Variants in ULK4 observed in about 807,000 individuals in gnomAD.
ULK4 encodes the protein inactive serine/threonine-protein kinase ULK4.
ULK4 carries 133 observed loss-of-function variants against 160.6 expected under a neutral mutation model. The ratio of observed to expected loss-of-function variants is 0.83; its 90% CI spans 0.72 to 0.96. ULK4 has a LOEUF of 0.96. ULK4 is among the 40% of genes least tolerant of loss of function. The probability of loss-of-function intolerance (pLI) is 0.00; values close to 1 mark genes in which losing one functional copy is unlikely to be tolerated. For missense variants in ULK4, 1,580 were observed against 1,499.5 expected (o/e 1.05, Z -0.89); for synonymous variants, 534 against 539.8 (o/e 0.99, Z 0.15).
At position 41,636,320 on chromosome 3, in the gene ULK4, A is replaced by G. The variant is rs116997605; in HGVS notation, c.3072-20603T>C. Among the ~76,000 whole-genome samples the G allele has an allele frequency of 3.7e-3, 560 of 152,246 alleles. 4 individuals carry two copies. The East Asian group carries it at 0.041, about 11-fold the overall frequency. On this transcript the variant is annotated intron_variant, in intron 30 of 36. Transcript: ENST00000301831. ...GAGGCCGAGGTGGGTGGATTACTTG[A>G]GTCCAAGAGTTCAAGACCAGCCTGG... is the stretch of plus-strand genomic sequence containing the variant.
intron 35 of ULK4, among the ~76,000 whole-genome samples, chr3:41,350,501 C>T (rs528479064): frequency 1.3e-5 from 2 of 152,106 alleles, no homozygotes; most frequent in African/African-American, 2.4e-5. Flanking sequence ...TACAATTTGA[C>T]GGCTTGCCTA....
chr3:41,485,033 T>C (rs1473468472), intron 32 of ULK4, among the ~76,000 whole-genome samples: 1 of 152,116 alleles, frequency 6.6e-6, no homozygotes, highest in Non-Finnish European at 1.5e-5. Flanking sequence ...TAACAGCAAA[T>C]ACCCACATGG....
At chr3:41,458,594 AG>A (rs1324488942) in intron 33 of ULK4, among the ~76,000 whole-genome samples, 1 of 152,098 alleles carries the variant, frequency 6.6e-6, no homozygotes, top group Non-Finnish European at 1.5e-5. Flanking sequence ...ACAGCTTCTT[AG>A]TATTAAAAAA....
chr3:41,611,781 CT>C (rs1358557437), intron 31 of ULK4, among the ~76,000 whole-genome samples: 1 of 152,100 alleles, frequency 6.6e-6, no homozygotes, highest in Non-Finnish European at 1.5e-5. Context: ...AGGATACTGT[CT>C]GATTTTAAAG....
intron 35 of ULK4, among the ~76,000 whole-genome samples, chr3:41,390,074 T>G (rs913859210): frequency 1.3e-4 from 20 of 152,204 alleles, no homozygotes; most frequent in Admixed American, 1.3e-3. Flanking sequence ...TATTCAGAGA[T>G]TCAACTTCTT....
intron 32 of ULK4, among the ~76,000 whole-genome samples, chr3:41,540,665 G>C (rs1423694591): frequency 6.6e-6 from 1 of 152,216 alleles, no homozygotes; most frequent in Non-Finnish European, 1.5e-5. Context: ...CAGTGTAAAA[G>C]TGTTCCTATT....
At chr3:41,661,502 T>C (rs1235474320) in intron 30 of ULK4, among the ~76,000 whole-genome samples, 2 of 126,470 alleles carry the variant, frequency 1.6e-5, no homozygotes, top group African/African-American at 5.6e-5. Flanking sequence ...GACAGATAGA[T>C]AGATAGATGA....
intron 35 of ULK4, among the ~76,000 whole-genome samples, chr3:41,339,776 A>G (rs1426860324): frequency 2.0e-5 from 3 of 152,232 alleles, no homozygotes; most frequent in African/African-American, 4.8e-5. Context: ...CCCTTTCTAA[A>G]GACAGCAGCT....
chr3:41,310,992 CAAA>C (rs1188818662), intron 35 of ULK4, among the ~76,000 whole-genome samples: 1 of 139,904 alleles, frequency 7.1e-6, no homozygotes, highest in African/African-American at 2.7e-5. Context: ...GACCTCGTCT[CAAA>C]AAAAAATAAT....
rs80296490 is a variant in ULK4, at chr3:41,815,727, A to C, written c.1848+3696T>G. 5.5e-3 allele frequency among the ~76,000 whole-genome samples: 831 copies of C among 152,286 alleles called. 7 individuals are homozygous for C. The highest frequency in any genetic ancestry group is 0.019 in the African/African-American group (798 of 41,556). ...TGTAGGCACTGGGGGCTCCTACCTT[A>C]AATTGGGTCTGGATAAGGGATTCTT... On this transcript the variant is annotated intron_variant, in intron 19 of 36. Coordinates refer to ENST00000301831, the MANE Select transcript of ULK4 (RefSeq NM_017886.4).
At chr3:41,568,378 T>G (rs571884477) in intron 31 of ULK4, among the ~76,000 whole-genome samples, 5 of 152,204 alleles carry the variant, frequency 3.3e-5, no homozygotes, top group Non-Finnish European at 7.3e-5. Flanking sequence ...AGTAGACATA[T>G]GTTTATTCTC....
chr3:41,807,771 T>A (rs1389690558), intron 19 of ULK4, among the ~76,000 whole-genome samples: 1 of 152,220 alleles, frequency 6.6e-6, no homozygotes, highest in African/African-American at 2.4e-5. Flanking sequence ...TTTTCATTTC[T>A]CAGAATGGCT....
Position 41,932,026 on chromosome 3 carries a change from G to A in ULK4, c.379-20C>T, listed in dbSNP as rs771770737. Reference sequence around the variant, plus strand: ...GAGTATCTATGAAGATCAAATAAATGTTTTCAGAAAAAAAATCAACTTAAT... The same window carrying A: ...GAGTATCTATGAAGATCAAATAAATATTTTCAGAAAAAAAATCAACTTAAT... On this transcript the variant is annotated intron_variant, in intron 4 of 36. Transcript: ENST00000301831. 8 of 1,597,382 alleles carry A rather than the reference G, an allele frequency of 5.0e-6. No homozygotes were observed. The highest frequency in any genetic ancestry group is 6.8e-6 in the Non-Finnish European group (8 of 1,171,506).
At chr3:41,569,500 T>TA (rs901007687) in intron 31 of ULK4, among the ~76,000 whole-genome samples, 1 of 152,100 alleles carries the variant, frequency 6.6e-6, no homozygotes, top group East Asian at 1.9e-4. Context: ...CAGTGGACCT[T>TA]AAAAAAAACT....
At chr3:41,810,784 T>C (rs2040798966) in intron 19 of ULK4, among the ~76,000 whole-genome samples, 1 of 152,230 alleles carries the variant, frequency 6.6e-6, no homozygotes, top group African/African-American at 2.4e-5. Flanking sequence ...AGTTCTCATT[T>C]TTACATCTAT....
chr3:41,438,128 C>T (rs1575218314), intron 34 of ULK4, among the ~76,000 whole-genome samples: 1 of 134,456 alleles, frequency 7.4e-6, no homozygotes, highest in African/African-American at 2.9e-5. Context: ...AAAAAAAAAG[C>T]AGGGTCAGGA....
chr3:41,615,663 T>C lies in ULK4; in HGVS notation c.3120+6A>G. 1 of 1,612,804 alleles carries C rather than the reference T, an allele frequency of 6.2e-7. No individual in the cohort carries two copies. The highest frequency in any genetic ancestry group is 1.7e-4 in the Middle Eastern group (1 of 6,028). ...TTGAATTTCAAATGCACATTTCCGT[T>C]CTTACCAGAGTTACTTCAAAAATGA... is the stretch of plus-strand genomic sequence containing the variant. On this transcript the variant is annotated splice_donor_region_variant and intron_variant, in intron 31 of 36. Transcript: ENST00000301831.
intron 35 of ULK4, among the ~76,000 whole-genome samples, chr3:41,384,239 A>T (rs1324621665): frequency 6.6e-6 from 1 of 152,182 alleles, no homozygotes; most frequent in Non-Finnish European, 1.5e-5. Context: ...TCACGAGGAA[A>T]CAATCATTCT....
chr3:41,560,943 G>T (rs2087542540), intron 32 of ULK4, among the ~76,000 whole-genome samples: 1 of 152,164 alleles, frequency 6.6e-6, no homozygotes, highest in Admixed American at 6.5e-5. Context: ...TCTTGTGCCA[G>T]TTTTCAAAGG....
Sources: allele counts gnomAD v4.1 joint callset (sites outside exome capture counted in the v4.1 genomes callset), GRCh38; gene constraint gnomAD v4.1.1; transcripts MANE v1.5; gene names NCBI Gene and HGNC (gene_info 2026-07-23, HGNC 2026-07-21).